Variants in FRS2 observed in about 807,000 individuals in gnomAD.
The protein encoded by FRS2 is fibroblast growth factor receptor substrate 2.
FRS2 carries 8 observed loss-of-function variants against 43.9 expected under a neutral mutation model. The observed-to-expected ratio is 0.18, with a 90% CI of 0.11 to 0.33. FRS2 has a LOEUF of 0.33. FRS2 is among the 10% of genes least tolerant of loss of function. The pLI is 1.00. For synonymous variants in FRS2, 219 were observed against 220.3 expected, an observed-to-expected ratio of 0.99 and a Z score of 0.05; for missense variants, 534 against 627.6, an observed-to-expected ratio of 0.85 and a Z score of 1.59.
rs557750744 is a variant in FRS2 at position 69,507,280 on chromosome 12, A to G, written c.-260-23585A>G. 3.9e-5 allele frequency among the ~76,000 whole-genome samples: 6 copies of G among 152,318 alleles called. No individual in the cohort carries two copies. In the East Asian group the frequency reaches 9.6e-4, roughly 24 times the overall value. On this transcript the variant is annotated intron_variant, in intron 1 of 8. Coordinates refer to ENST00000549921, the MANE Select transcript of FRS2 (RefSeq NM_001278356.2). ...CTTTCTTTCTGTCATGTTCCGACAC[A>G]TAATAGGCACTCAGTGATAAATACT...
intron 3 of FRS2, among the ~76,000 whole-genome samples, chr12:69,552,620 C>T (rs186232505): frequency 7.2e-5 from 11 of 152,222 alleles, no homozygotes; most frequent in African/African-American, 2.2e-4. Flanking sequence ...TATCTTATTA[C>T]AGAGTCCACA....
chr12:69,509,035 TATTA>T (rs1874217079), intron 1 of FRS2, among the ~76,000 whole-genome samples: 1 of 152,368 alleles, frequency 6.6e-6, no homozygotes, highest in African/African-American at 2.4e-5. Flanking sequence ...TTTTTCTTGT[TATTA>T]ATTCATTTAC....
chr12:69,520,498 A>T (rs988492941), intron 1 of FRS2, among the ~76,000 whole-genome samples: 5 of 148,172 alleles, frequency 3.4e-5, no homozygotes, highest in African/African-American at 1.0e-4. Flanking sequence ...GCCGGTTCCT[A>T]TGTCCAGAAT....
chr12:69,578,411 A>T lies in FRS2; in HGVS notation c.*3456A>T, dbSNP rs1881334516. The T allele has an allele frequency of 6.6e-6, 1 of 152,602 alleles. No homozygotes were observed. Among genetic ancestry groups the T allele is most frequent in the Non-Finnish European group, 1.5e-5 (1 of 68,014 alleles). The allele number at this position is 152,602 out of a possible 1,614,324, so 9.5% of individuals were successfully genotyped here. A position where few individuals can be genotyped will look rare whatever the true frequency, so the allele number is the denominator to read the frequency against. ...GAAAATGTTTTTGGCTTGAAAAATT[A>T]ACATATTTTATGACGTACCACAGTA... On this transcript the variant is annotated 3_prime_UTR_variant, in exon 9 of 9. Transcript: ENST00000549921.
chr12:69,542,555 G>T (rs1486943336), intron 3 of FRS2, among the ~76,000 whole-genome samples: 4 of 152,100 alleles, frequency 2.6e-5, no homozygotes, highest in Non-Finnish European at 4.4e-5. Context: ...GTTATGTAAA[G>T]AAAGAAAATA....
chr12:69,564,534 C>A (rs1037373326), intron 4 of FRS2, among the ~76,000 whole-genome samples: 14 of 152,100 alleles, frequency 9.2e-5, no homozygotes, highest in Non-Finnish European at 1.0e-4. Flanking sequence ...AGGTAATAGA[C>A]CCCTGGCACC....
At chr12:69,515,952 C>A (rs559507475) in intron 1 of FRS2, among the ~76,000 whole-genome samples, 12 of 120,332 alleles carry the variant, frequency 1.0e-4, no homozygotes, top group Admixed American at 2.1e-4. Flanking sequence ...TGTTATTTAA[C>A]CCCGGGAAAT....
chr12:69,575,195 TTAAAA>T lies in FRS2; in HGVS notation c.*242_*246del. 2 of 446,988 alleles carry T rather than the reference TTAAAA, an allele frequency of 4.5e-6. No individual in the cohort carries two copies. Among genetic ancestry groups the T allele is most frequent in the South Asian group, 1.0e-4 (2 of 19,082 alleles). The allele number at this position is 446,988 out of a possible 1,614,324, so 27.7% of individuals were successfully genotyped here. A position where few individuals can be genotyped will look rare whatever the true frequency, so the allele number is the denominator to read the frequency against. ...GCATTCCCGTTTTCACAGTGCCTAT[TTAAAA>T]TGAGAGTTGAAGTAAATGACATGCT... is the stretch of plus-strand genomic sequence containing the variant. On this transcript the variant is annotated 3_prime_UTR_variant, in exon 9 of 9. Coordinates refer to ENST00000549921, the MANE Select transcript of FRS2 (RefSeq NM_001278356.2).
At chr12:69,504,545 A>G (rs1215300788) in intron 1 of FRS2, among the ~76,000 whole-genome samples, 1 of 152,192 alleles carries the variant, frequency 6.6e-6, no homozygotes, top group Non-Finnish European at 1.5e-5. Flanking sequence ...TCACAAGTCA[A>G]GGAATATTTA....
At chr12:69,552,633 G>A (rs1214744136) in intron 3 of FRS2, among the ~76,000 whole-genome samples, 1 of 152,052 alleles carries the variant, frequency 6.6e-6, no homozygotes, top group African/African-American at 2.4e-5. Context: ...AGTCCACAGG[G>A]ATTCAAAAGA....
chr12:69,545,365 C>T (rs947606714), intron 3 of FRS2, among the ~76,000 whole-genome samples: 7 of 152,172 alleles, frequency 4.6e-5, no homozygotes, highest in African/African-American at 1.4e-4. Context: ...GTGACTCACA[C>T]TTCCTGATTT....
At chr12:69,529,723 T>C (rs1208213961) in intron 1 of FRS2, among the ~76,000 whole-genome samples, 1 of 152,146 alleles carries the variant, frequency 6.6e-6, no homozygotes, top group Non-Finnish European at 1.5e-5. Context: ...AGTAAATCCT[T>C]ATGAACACTT....
At position 69,577,051 on chromosome 12, in the gene FRS2, T is replaced by A. The variant is rs747139422; in HGVS notation, c.*2096T>A. Reference sequence around the variant, plus strand: ...AGCCAGTCAAGGCAGAACATTAATCTCCAAATGCAAGGGCTGATCTATTTA... The same window carrying A: ...AGCCAGTCAAGGCAGAACATTAATCACCAAATGCAAGGGCTGATCTATTTA... On this transcript the variant is annotated 3_prime_UTR_variant, in exon 9 of 9. Transcript: ENST00000549921. The A allele has an allele frequency of 1.0e-4, 16 of 152,628 alleles. No homozygotes were observed. The highest frequency in any genetic ancestry group is 1.8e-4 in the Non-Finnish European group (12 of 68,032). The allele number at this position is 152,628 out of a possible 1,614,324, so 9.5% of individuals were successfully genotyped here. A position where few individuals can be genotyped will look rare whatever the true frequency, so the allele number is the denominator to read the frequency against.
chr12:69,478,829 C>CT (rs1398651196), intron 1 of FRS2, among the ~76,000 whole-genome samples: 1 of 151,830 alleles, frequency 6.6e-6, no homozygotes, highest in South Asian at 2.1e-4. Context: ...CTGCCAGCAC[C>CT]TTTGATGGCC....
intron 1 of FRS2, among the ~76,000 whole-genome samples, chr12:69,519,506 T>G (rs937644465): frequency 2.6e-5 from 4 of 152,206 alleles, no homozygotes; most frequent in African/African-American, 9.7e-5. Context: ...ATCATGCAAG[T>G]ACTAAGCCTA....
At chr12:69,476,813 T>G (rs1010641700) in intron 1 of FRS2, among the ~76,000 whole-genome samples, 2 of 152,092 alleles carry the variant, frequency 1.3e-5, no homozygotes, top group African/African-American at 4.8e-5. Context: ...GACTGTTAAA[T>G]TAAGGCTTAA....
At chr12:69,506,751 T>TG (rs1164313434) in intron 1 of FRS2, among the ~76,000 whole-genome samples, 1 of 152,220 alleles carries the variant, frequency 6.6e-6, no homozygotes, top group Non-Finnish European at 1.5e-5. Context: ...GTCTTAATAT[T>TG]GGCAGCCTTC....
At chr12:69,552,075 G>A (rs1219746989) in intron 3 of FRS2, among the ~76,000 whole-genome samples, 1 of 151,844 alleles carries the variant, frequency 6.6e-6, no homozygotes, top group Non-Finnish European at 1.5e-5. Flanking sequence ...GGAGGCCAAG[G>A]CGGGCAGATC....
intron 6 of FRS2, among the ~76,000 whole-genome samples, chr12:69,570,867 A>T (rs1740423808): frequency 6.6e-6 from 1 of 152,252 alleles, no homozygotes; most frequent in South Asian, 2.1e-4. Context: ...ATAAAAGGGA[A>T]ATGGTAATAC....
Sources: gnomAD v4.1 joint callset for allele counts (sites outside exome capture counted in the v4.1 genomes callset) on GRCh38, gnomAD v4.1.1 for gene constraint, MANE v1.5 for transcripts, NCBI Gene and HGNC (gene_info 2026-07-23, HGNC 2026-07-21) for gene names.